The following GUCY2C variants were observed in gnomAD, a reference collection of about 807,000 sequenced individuals.
GUCY2C encodes guanylate cyclase 2C.
A neutral mutation model predicts 131.1 loss-of-function variants in GUCY2C; 118 were observed. The ratio of observed to expected loss-of-function variants is 0.90; its 90% CI spans 0.78 to 1.05. GUCY2C has a LOEUF of 1.05. Among genes scored for constraint, GUCY2C ranks in the 50% least tolerant of loss-of-function variants. The pLI, the probability that GUCY2C is intolerant of heterozygous loss-of-function variation, is 0.00. For synonymous variants in GUCY2C, 452 were observed against 457.8 expected (o/e 0.99, Z 0.16); for missense variants, 1,161 against 1,304.4 (o/e 0.89, Z 1.69).
At chr12:14,660,217 A>G (rs1340244987) in intron 11 of GUCY2C, among the ~76,000 whole-genome samples, 1 of 152,256 alleles carries the variant, frequency 6.6e-6, no homozygotes, top group African/African-American at 2.4e-5. Flanking sequence ...TTAGCTAGGA[A>G]GTGCAAGTGA....
At chr12:14,666,188 C>T (rs1947975961) in intron 10 of GUCY2C, among the ~76,000 whole-genome samples, 1 of 152,218 alleles carries the variant, frequency 6.6e-6, no homozygotes, top group African/African-American at 2.4e-5. Context: ...TTTTATTATG[C>T]AAATGCGGCC....
At chr12:14,619,785 G>C (rs1946855880) in intron 23 of GUCY2C, 1 of 153,252 alleles carries the variant, frequency 6.5e-6, no homozygotes, top group Admixed American at 6.5e-5. Flanking sequence ...CAGAAGACAA[G>C]ACAAAGGCAT....
intron 15 of GUCY2C, among the ~76,000 whole-genome samples, chr12:14,646,706 G>A (rs893768825): frequency 3.3e-5 from 5 of 152,010 alleles, no homozygotes; most frequent in African/African-American, 1.2e-4. Flanking sequence ...ATAAAAGTGG[G>A]ATCATAATGT....
rs1387450114 is a variant in GUCY2C, at chr12:14,688,049, C to T, written c.232G>A (p.Val78Met). ...TCCGAATACATGAAAGTAGCGTTCA[C>T]AGTCACATTTAGGCCTGTCGCCCAG... The part of the protein sequence containing the change: ...RLQNAGLNVT[V>M]NATFMYSDGL... Residue 78 changes from valine to methionine, a missense_variant, in exon 2 of 27, where the codon GTG becomes ATG. Val to Met is a conservative substitution (Grantham distance 21). Transcript: ENST00000261170. The T allele has an allele frequency of 1.2e-6, 2 of 1,611,352 alleles. No individual in the cohort carries two copies. The highest frequency in any genetic ancestry group is 3.3e-5 in the Admixed American group (2 of 60,008).
chr12:14,637,136 C>T (rs576325824), intron 19 of GUCY2C, among the ~76,000 whole-genome samples: 1 of 148,632 alleles, frequency 6.7e-6, no homozygotes, highest in East Asian at 2.0e-4. Flanking sequence ...TTTTATATAC[C>T]ACCAATAATA....
At position 14,651,981 on chromosome 12, in the gene GUCY2C, T is replaced by C. The variant is rs996034873; in HGVS notation, c.1583A>G (p.Lys528Arg). 6.3e-7 allele frequency: 1 copy of C among 1,597,632 alleles called. No homozygotes were observed. The highest frequency in any genetic ancestry group is 8.6e-7 in the Non-Finnish European group (1 of 1,165,486). The change falls in exon 14 of 27, where the codon AAA (lysine) becomes AGA (arginine). Residue 528 changes from lysine (K) to arginine (R), a missense_variant. Physicochemically the swap from Lys to Arg is conservative, Grantham distance 26. Transcript: ENST00000261170. Reference sequence around the variant, plus strand: ...TACCTTGTTCAATTCTATCTTCTGTTTTTCAGTGAAATTACCATCATTGTG... The same window carrying C: ...TACCTTGTTCAATTCTATCTTCTGTCTTTCAGTGAAATTACCATCATTGTG... The part of the protein sequence containing the change: ...LKHNDGNFTE[K>R]QKIELNKLLQ...
At chr12:14,659,868 C>T (rs917394503) in intron 11 of GUCY2C, among the ~76,000 whole-genome samples, 26 of 152,224 alleles carry the variant, frequency 1.7e-4, no homozygotes, top group African/African-American at 5.8e-4. Flanking sequence ...CCCATCTCTG[C>T]CTGCCATGTT....
chr12:14,627,771 G>GA (rs900430856), intron 20 of GUCY2C, among the ~76,000 whole-genome samples: 3 of 149,834 alleles, frequency 2.0e-5, no homozygotes, highest in African/African-American at 7.3e-5. Context: ...ACAGCGAGGA[G>GA]AAAAAAAAAG....
chr12:14,686,205 A>G lies in GUCY2C; in HGVS notation c.351T>C (p.Cys117=), dbSNP rs373017858. The G allele has an allele frequency of 4.4e-6, 7 of 1,608,538 alleles. No homozygotes were observed. Among genetic ancestry groups the G allele is most frequent in the Non-Finnish European group, 6.0e-6 (7 of 1,175,028 alleles). Residue 117 remains cysteine, a synonymous_variant, in exon 3 of 27, where the codon TGT becomes TGC. Coordinates refer to ENST00000261170, the MANE Select transcript of GUCY2C (RefSeq NM_004963.4). The part of the protein sequence containing the change: ...RKISNAQRMG[C]VLIGPSCTYS... ...ATGTACATGAGGGCCCTATGAGGACACAGCCCATCCGTTGTGCATTCTGTA... is the reference window on the plus strand; with the variant it reads ...ATGTACATGAGGGCCCTATGAGGACGCAGCCCATCCGTTGTGCATTCTGTA...
chr12:14,619,107 C>G, intron 24 of GUCY2C, 104 bp downstream of exon 24: 1 of 648,542 alleles, frequency 1.5e-6, no homozygotes, highest in Non-Finnish European at 2.8e-6. Context: ...TATTCTACAT[C>G]TCACTGGCAC....
intron 10 of GUCY2C, among the ~76,000 whole-genome samples, chr12:14,665,235 A>AAT (rs1226225160): frequency 1.3e-5 from 2 of 151,780 alleles, no homozygotes; most frequent in Non-Finnish European, 2.9e-5. Context: ...AAAAAAAAAA[A>AAT]AAGCTAAGGA....
intron 18 of GUCY2C, among the ~76,000 whole-genome samples, chr12:14,640,301 AC>A (rs1016927721): frequency 1.3e-5 from 2 of 151,952 alleles, no homozygotes; most frequent in Admixed American, 1.3e-4. Context: ...TACATAAAGT[AC>A]AAAAATTAGC....
chr12:14,687,826 C>A, intron 2 of GUCY2C, 125 bp downstream of exon 2: 1 of 639,720 alleles, frequency 1.6e-6, no homozygotes, highest in South Asian at 1.8e-5. Flanking sequence ...GGTACTCGGC[C>A]ACTCATTCAG....
rs145387844 is a variant in GUCY2C, at chr12:14,660,904, A to G, written c.1364+77T>C. 1.8e-3 allele frequency: 1,601 copies of G among 889,834 alleles called. 9 individuals carry two copies. In the African/African-American group the frequency reaches 0.021, roughly 12 times the overall value. The allele number at this position is 889,834 out of a possible 1,614,324, so 55.1% of individuals were successfully genotyped here. A position where few individuals can be genotyped will look rare whatever the true frequency, so the allele number is the denominator to read the frequency against. ...TCTTTGTGAATATTCATCATCATCAACAGACAACAGACCTCTCCCACTTTC... is the reference window on the plus strand; with the variant it reads ...TCTTTGTGAATATTCATCATCATCAGCAGACAACAGACCTCTCCCACTTTC... On this transcript the variant is annotated intron_variant, in intron 11 of 26. Transcript: ENST00000261170.
At chr12:14,645,829 T>G (rs1476897359) in intron 15 of GUCY2C, among the ~76,000 whole-genome samples, 9 of 143,600 alleles carry the variant, frequency 6.3e-5, no homozygotes, top group Non-Finnish European at 9.2e-5. Flanking sequence ...ATTTTCTTTG[T>G]TTTTTTTTGT....
At chr12:14,675,207 CAAAAA>C (rs35870014) in intron 7 of GUCY2C, among the ~76,000 whole-genome samples, 5 of 34,788 alleles carry the variant, frequency 1.4e-4, no homozygotes, top group South Asian at 1.2e-3. Context: ...AACTCCATCT[CAAAAA>C]AAAAAAAAAA....
intron 15 of GUCY2C, among the ~76,000 whole-genome samples, chr12:14,648,408 C>A (rs1439163858): frequency 6.6e-6 from 1 of 152,162 alleles, no homozygotes; most frequent in African/African-American, 2.4e-5. Flanking sequence ...ATCCTTCCTT[C>A]ATTACAAAAA....
chr12:14,619,466 A>G, intron 23 of GUCY2C, 157 bp from the exon 24 acceptor site: 1 of 572,420 alleles, frequency 1.7e-6, no homozygotes, highest in South Asian at 2.4e-5. Flanking sequence ...TTTGGTTTAA[A>G]TGGATGAATC....
chr12:14,626,460 A>T (rs1458454162), intron 20 of GUCY2C, among the ~76,000 whole-genome samples: 1 of 152,228 alleles, frequency 6.6e-6, no homozygotes, highest in Non-Finnish European at 1.5e-5. Flanking sequence ...CCTGAAGAGC[A>T]ATTTGGTAAA....
Sources: allele counts gnomAD v4.1 joint callset (sites outside exome capture counted in the v4.1 genomes callset), GRCh38; gene constraint gnomAD v4.1.1; transcripts MANE v1.5; gene names NCBI Gene and HGNC (gene_info 2026-07-23, HGNC 2026-07-21).